Variants in KCNJ6 observed in about 807,000 individuals in gnomAD.
KCNJ6 encodes potassium inwardly rectifying channel subfamily J member 6, also known as G protein-activated inward rectifier potassium channel 2.
Under a neutral mutation model 34.2 loss-of-function variants are expected in KCNJ6, and 9 were observed. That is an observed-to-expected ratio of 0.26 (90% CI 0.16 to 0.46). The LOEUF (loss-of-function observed/expected upper bound fraction) is 0.46. Ranked by LOEUF, KCNJ6 falls within the 20% of genes least tolerant of loss-of-function variation. KCNJ6 has a pLI of 1.00. For missense variants in KCNJ6, 236 were observed against 531.3 expected, an observed-to-expected ratio of 0.44 and a Z score of 5.46; for synonymous variants, 196 against 207.1, an observed-to-expected ratio of 0.95 and a Z score of 0.46.
intron 3 of KCNJ6, among the ~76,000 whole-genome samples, chr21:37,712,533 TCCCTCC>T (rs2054760642): frequency 1.4e-5 from 1 of 73,846 alleles, no homozygotes; most frequent in Non-Finnish European, 2.6e-5. Context: ...CCCTTTCTCT[TCCCTCC>T]CTCCTCCTCC....
At chr21:37,887,359 C>A (rs970833510) in intron 1 of KCNJ6, among the ~76,000 whole-genome samples, 2 of 152,262 alleles carry the variant, frequency 1.3e-5, no homozygotes, top group African/African-American at 4.8e-5. Flanking sequence ...AACCAAGCCC[C>A]TTCCAAGTCG....
intron 2 of KCNJ6, among the ~76,000 whole-genome samples, chr21:37,800,163 C>T (rs917869169): frequency 6.6e-5 from 10 of 152,084 alleles, no homozygotes; most frequent in African/African-American, 1.9e-4. Flanking sequence ...TGGAACAAAC[C>T]GTGCCCTATT....
chr21:37,871,761 G>A (rs2055653502), intron 1 of KCNJ6, among the ~76,000 whole-genome samples: 1 of 152,188 alleles, frequency 6.6e-6, no homozygotes, highest in Non-Finnish European at 1.5e-5. Context: ...AATGTGCCCA[G>A]AGTCACAGAA....
chr21:37,800,147 C>CTTGG (rs1032094849), intron 2 of KCNJ6, among the ~76,000 whole-genome samples: 10 of 152,254 alleles, frequency 6.6e-5, no homozygotes, highest in African/African-American at 2.2e-4. Context: ...AAAAGGAAGA[C>CTTGG]TTGGCTGGAA....
chr21:37,642,713 G>A (rs561931354), intron 3 of KCNJ6, among the ~76,000 whole-genome samples: 1 of 152,222 alleles, frequency 6.6e-6, no homozygotes, highest in South Asian at 2.1e-4. Flanking sequence ...TGTTTGAGTG[G>A]GTGTGGCTCC....
Position 37,735,042 on chromosome 21 carries a change from A to T in KCNJ6, c.26-19911T>A, listed in dbSNP as rs1601444958. 9.9e-5 allele frequency among the ~76,000 whole-genome samples: 15 copies of T among 152,190 alleles called. No homozygotes were observed. The South Asian group carries it at 2.9e-3, about 29-fold the overall frequency. The stretch of plus-strand genomic sequence containing the variant: ...CAGCATGTCCCCGTTTCCACCTGAC[A>T]CAGCCCAAAGCTGTCAGCCCAAGCA... On this transcript the variant is annotated intron_variant, in intron 2 of 3. Transcript: ENST00000609713.
At chr21:37,804,840 T>A (rs528539780) in intron 2 of KCNJ6, among the ~76,000 whole-genome samples, 1 of 152,222 alleles carries the variant, frequency 6.6e-6, no homozygotes, top group African/African-American at 2.4e-5. Flanking sequence ...CATTGTTGAG[T>A]CTATGTCTTT....
chr21:37,849,056 T>G lies in KCNJ6; in HGVS notation c.-27-8347A>C, dbSNP rs563041167. ...TCACCACAGACCTATCAGGAAATTTTCTTTAAAGAAAATACTATGCGAGAC... is the reference window on the plus strand; with the variant it reads ...TCACCACAGACCTATCAGGAAATTTGCTTTAAAGAAAATACTATGCGAGAC... On this transcript the variant is annotated intron_variant, in intron 1 of 3. Coordinates refer to ENST00000609713, the MANE Select transcript of KCNJ6 (RefSeq NM_002240.5). Among the ~76,000 whole-genome samples the G allele has an allele frequency of 2.0e-5, 3 of 152,362 alleles. No homozygotes were observed. The East Asian group carries it at 5.8e-4, about 29-fold the overall frequency.
chr21:37,651,405 G>T (rs2054432846), intron 3 of KCNJ6, among the ~76,000 whole-genome samples: 1 of 152,186 alleles, frequency 6.6e-6, no homozygotes, highest in Non-Finnish European at 1.5e-5. Flanking sequence ...CCTCCTCTCT[G>T]TGTTTTGAAA....
chr21:37,747,995 G>T (rs1014507137), intron 2 of KCNJ6, among the ~76,000 whole-genome samples: 2 of 152,196 alleles, frequency 1.3e-5, no homozygotes, highest in African/African-American at 4.8e-5. Context: ...CCCAGTGATG[G>T]TCTCATGGCT....
At chr21:37,661,613 A>ATTTTTTTTTTT (rs1324340711) in intron 3 of KCNJ6, among the ~76,000 whole-genome samples, 8 of 47,308 alleles carry the variant, frequency 1.7e-4, no homozygotes, top group Admixed American at 4.9e-4. Context: ...TAAGAGACAT[A>ATTTTTTTTTTT]GTTTTTTTTT....
chr21:37,873,693 G>T (rs531809325), intron 1 of KCNJ6, among the ~76,000 whole-genome samples: 1 of 152,076 alleles, frequency 6.6e-6, no homozygotes, highest in Non-Finnish European at 1.5e-5. Flanking sequence ...CACTCTCCCT[G>T]TTCTCTCTTC....
At chr21:37,686,596 T>C (rs1388654512) in intron 3 of KCNJ6, among the ~76,000 whole-genome samples, 2 of 151,420 alleles carry the variant, frequency 1.3e-5, no homozygotes, top group Non-Finnish European at 2.9e-5. Context: ...GCCTCCTGAG[T>C]AGCTGGGATT....
At chr21:37,703,743 G>A (rs1304782225) in intron 3 of KCNJ6, among the ~76,000 whole-genome samples, 2 of 152,192 alleles carry the variant, frequency 1.3e-5, no homozygotes, top group African/African-American at 2.4e-5. Context: ...ACCTGGTCAA[G>A]TATGTGTCAG....
At chr21:37,712,326 C>T (rs996948174) in intron 3 of KCNJ6, among the ~76,000 whole-genome samples, 1 of 152,140 alleles carries the variant, frequency 6.6e-6, no homozygotes, top group African/African-American at 2.4e-5. Context: ...GTGTCAGAGG[C>T]TGTAGCTCTG....
At chr21:37,873,494 A>G (rs2055662637) in intron 1 of KCNJ6, among the ~76,000 whole-genome samples, 1 of 152,130 alleles carries the variant, frequency 6.6e-6, no homozygotes, top group African/African-American at 2.4e-5. Context: ...CATTGACCTG[A>G]TCTCTTAAAC....
chr21:37,700,700 G>T (rs1402830855), intron 3 of KCNJ6, among the ~76,000 whole-genome samples: 2 of 152,128 alleles, frequency 1.3e-5, no homozygotes, highest in Admixed American at 6.5e-5. Context: ...CTAGAGACAG[G>T]TACAAGATGG....
At chr21:37,696,103 G>A (rs1460346915) in intron 3 of KCNJ6, among the ~76,000 whole-genome samples, 1 of 152,176 alleles carries the variant, frequency 6.6e-6, no homozygotes, top group Non-Finnish European at 1.5e-5. Context: ...AGCTGAAAGA[G>A]AACACATCAA....
In KCNJ6 at chr21:37,615,294, CCAGGTCGGA is replaced by C. The variant is rs1053074994; in HGVS notation, c.*9856_*9864del. ...TTGAGACGGAGTCTCGCTCTGTCGC[CCAGGTCGGA>C]CTGCGGACTGCAGTGGCGCAATCTC... On this transcript the variant is annotated 3_prime_UTR_variant, in exon 4 of 4. Transcript: ENST00000609713. The C allele has an allele frequency of 7.3e-6, 1 of 136,404 alleles. No individual in the cohort carries two copies. The highest frequency in any genetic ancestry group is 3.0e-5 in the African/African-American group (1 of 33,494). The allele number at this position is 136,404 out of a possible 1,614,324, so 8.4% of individuals were successfully genotyped here.
Sources: gnomAD v4.1 joint callset for allele counts (sites outside exome capture counted in the v4.1 genomes callset) on GRCh38, gnomAD v4.1.1 for gene constraint, MANE v1.5 for transcripts, NCBI Gene and HGNC (gene_info 2026-07-23, HGNC 2026-07-21) for gene names.